SORBS2: variants seen among roughly 807,000 people sequenced by gnomAD.
The protein encoded by SORBS2 is sorbin and SH3 domain containing 2.
In SORBS2, 46 loss-of-function variants were observed where a neutral mutation model predicts 97.7. The observed-to-expected ratio is 0.47, with a 90% CI of 0.37 to 0.60. The LOEUF (loss-of-function observed/expected upper bound fraction) is 0.60, where lower values mean the gene tolerates loss of function less well. Among genes scored for constraint, SORBS2 ranks in the 20% least tolerant of loss-of-function variants. SORBS2 has a pLI of 0.00. For missense variants in SORBS2, 1,316 were observed against 1,282.3 expected, an observed-to-expected ratio of 1.03 and a Z score of -0.40; for synonymous variants, 476 against 473.4, an observed-to-expected ratio of 1.01 and a Z score of -0.07.
intron 11 of SORBS2, among the ~76,000 whole-genome samples, chr4:185,614,164 T>TG (rs2096591645): frequency 7.2e-6 from 1 of 138,880 alleles, no homozygotes. Flanking sequence ...TTTGTGTTTT[T>TG]TTTTTTTTTT....
intron 1 of SORBS2, among the ~76,000 whole-genome samples, chr4:185,871,748 C>A (rs540457450): frequency 6.6e-6 from 1 of 152,300 alleles, no homozygotes; most frequent in East Asian, 1.9e-4. Context: ...CTGAGTCACT[C>A]TTGCTTGGAA....
chr4:185,817,167 T>C (rs2099193751), intron 1 of SORBS2, among the ~76,000 whole-genome samples: 1 of 151,986 alleles, frequency 6.6e-6, no homozygotes, highest in Non-Finnish European at 1.5e-5. Flanking sequence ...TGTTAATATG[T>C]GTCAGTACCA....
chr4:185,904,830 C>T (rs527808080), intron 1 of SORBS2, among the ~76,000 whole-genome samples: 3 of 152,298 alleles, frequency 2.0e-5, no homozygotes, highest in Admixed American at 1.3e-4. Flanking sequence ...ATAGGCCGGG[C>T]GCAGTGGCTC....
At chr4:185,591,701 A>G (rs1473451156) in intron 13 of SORBS2, among the ~76,000 whole-genome samples, 2 of 152,004 alleles carry the variant, frequency 1.3e-5, no homozygotes. Context: ...TCTTTTATTG[A>G]GCTTCTCAGG....
intron 1 of SORBS2, among the ~76,000 whole-genome samples, chr4:185,900,750 T>A (rs745819467): frequency 6.6e-6 from 1 of 152,026 alleles, no homozygotes; most frequent in Non-Finnish European, 1.5e-5. Flanking sequence ...TTTGTACGTA[T>A]GAGTGGGAGA....
intron 1 of SORBS2, among the ~76,000 whole-genome samples, chr4:185,869,054 G>T (rs563054995): frequency 7.5e-4 from 114 of 152,298 alleles, no homozygotes; most frequent in African/African-American, 2.5e-3. Context: ...GTGAGCAAGT[G>T]AAAACTGACC....
chr4:185,618,270 T>C (rs57191524), intron 9 of SORBS2, among the ~76,000 whole-genome samples: 27,075 of 152,210 alleles, frequency 0.18, 2,576 homozygotes, highest in African/African-American at 0.23. Flanking sequence ...CCACTGTGCC[T>C]GGCCCCCAAT....
exon 15 of SORBS2, chr4:185,587,599 C>T (rs746277485): frequency 3.1e-6 from 5 of 1,606,312 alleles, no homozygotes; most frequent in Non-Finnish European, 4.3e-6. Context: ...GGCTGGCAGG[C>T]GGCCTCTACA....
intron 1 of SORBS2, chr4:185,919,358 G>A (rs566491709): frequency 2.6e-5 from 4 of 152,346 alleles, no homozygotes; most frequent in African/African-American, 9.6e-5. Context: ...CGACTGTGCT[G>A]TGGGATGAAA....
At chr4:185,775,581 T>C (rs962992017) in intron 1 of SORBS2, 2 of 152,218 alleles carry the variant, frequency 1.3e-5, no homozygotes, top group Non-Finnish European at 2.9e-5. Context: ...CTTGGTTCAT[T>C]GTGCAAATAT....
rs10030095 is a variant in SORBS2 at position 185,679,205 on chromosome 4, C to T, written c.-197-383G>A. Among the ~76,000 whole-genome samples, 1,366 of 152,240 alleles carry T rather than the reference C, an allele frequency of 9.0e-3. 26 individuals are homozygous for T. Among genetic ancestry groups the T allele is most frequent in the African/African-American group, 0.031 (1,274 of 41,550 alleles). On this transcript the variant is annotated intron_variant, in intron 2 of 20. Transcript: ENST00000284776. Reference sequence around the variant, plus strand: ...ACTGCCAGATCCTTAGCTTCCAATGCCCTGCTGTTGATAAGCATATTTAAC... The same window carrying T: ...ACTGCCAGATCCTTAGCTTCCAATGTCCTGCTGTTGATAAGCATATTTAAC...
chr4:185,604,283 T>C (rs764774438), intron 12 of SORBS2, among the ~76,000 whole-genome samples: 3 of 152,222 alleles, frequency 2.0e-5, no homozygotes, highest in Non-Finnish European at 4.4e-5. Flanking sequence ...TCTGAATGCA[T>C]ACATCTTACT....
rs535072568 is a variant in SORBS2, at chr4:185,614,138, G to T, written c.2595+693C>A. ...TTATGTAAACTAGCAGGTTAAAAGAGGTTTTTGATTGTTTTTTTGTGTTTT... is the reference window on the plus strand; with the variant it reads ...TTATGTAAACTAGCAGGTTAAAAGATGTTTTTGATTGTTTTTTTGTGTTTT... On this transcript the variant is annotated intron_variant, in intron 11 of 14. Transcript: ENST00000418609. 4.0e-5 allele frequency among the ~76,000 whole-genome samples: 6 copies of T among 149,286 alleles called. 1 individual carries two copies. The South Asian group carries it at 1.3e-3, about 32-fold the overall frequency.
intron 1 of SORBS2, among the ~76,000 whole-genome samples, chr4:185,814,253 C>G (rs1407797357): frequency 6.6e-6 from 1 of 151,932 alleles, no homozygotes; most frequent in Non-Finnish European, 1.5e-5. Flanking sequence ...GCATAAGAAT[C>G]TCTGGCCGTG....
At chr4:185,648,412 G>A (rs1017475179) in intron 3 of SORBS2, among the ~76,000 whole-genome samples, 5 of 151,764 alleles carry the variant, frequency 3.3e-5, no homozygotes, top group Admixed American at 6.6e-5. Context: ...GCTTGAACCC[G>A]GGAGTCGGAG....
intron 4 of SORBS2, among the ~76,000 whole-genome samples, chr4:185,667,419 T>A (rs2097628983): frequency 6.6e-6 from 1 of 152,122 alleles, no homozygotes; most frequent in African/African-American, 2.4e-5. Flanking sequence ...TGAATACTTT[T>A]AAAAAATCCA....
chr4:185,712,575 T>TGC (rs1421216694), intron 2 of SORBS2, among the ~76,000 whole-genome samples: 1 of 152,224 alleles, frequency 6.6e-6, no homozygotes, highest in Non-Finnish European at 1.5e-5. Flanking sequence ...CCCACTAAGC[T>TGC]GTTAACACTT....
chr4:185,783,774 C>G (rs1455027966), intron 1 of SORBS2, among the ~76,000 whole-genome samples: 1 of 152,164 alleles, frequency 6.6e-6, no homozygotes, highest in African/African-American at 2.4e-5. Flanking sequence ...AGAGTAAATG[C>G]TCACATTTTG....
At chr4:185,720,103 G>A (rs565867969) in intron 2 of SORBS2, among the ~76,000 whole-genome samples, 1 of 152,306 alleles carries the variant, frequency 6.6e-6, no homozygotes, top group East Asian at 1.9e-4. Flanking sequence ...TGACCACCAA[G>A]GGAAGCCATG....
Sources: gnomAD v4.1 joint callset for allele counts (sites outside exome capture counted in the v4.1 genomes callset) on GRCh38, gnomAD v4.1.1 for gene constraint, MANE v1.5 for transcripts, NCBI Gene and HGNC (gene_info 2026-07-23, HGNC 2026-07-21) for gene names.